The following CHCHD3 variants were observed in gnomAD, a reference collection of about 807,000 sequenced individuals.
The protein encoded by CHCHD3 is MICOS complex subunit MIC19.
A neutral mutation model predicts 38.2 loss-of-function variants in CHCHD3; 20 were observed. The ratio of observed to expected loss-of-function variants is 0.52; its 90% CI spans 0.37 to 0.76. CHCHD3 has a LOEUF of 0.76. Among genes scored for constraint, CHCHD3 ranks in the 30% least tolerant of loss-of-function variants. CHCHD3 has a pLI of 0.00. For missense variants in CHCHD3, 245 were observed against 279.2 expected (o/e 0.88, Z 0.87); for synonymous variants, 82 against 100.0 (o/e 0.82, Z 1.07).
intron 2 of CHCHD3, among the ~76,000 whole-genome samples, chr7:133,026,708 C>A (rs1813347408): frequency 6.6e-6 from 1 of 152,096 alleles, no homozygotes. Context: ...AATTAATGAA[C>A]TACTGATACA....
At position 133,035,155 on chromosome 7, in the gene CHCHD3, C is replaced by G. The variant is rs540162950; in HGVS notation, c.170-10528G>C. The G allele has an allele frequency of 6.2e-7, 1 of 1,613,536 alleles. No individual in the cohort carries two copies. The highest frequency in any genetic ancestry group is 1.3e-5 in the African/African-American group (1 of 74,908). On this transcript the variant is annotated intron_variant, in intron 2 of 7. Transcript: ENST00000262570. This position sits in a 1 kb window ranked among gnomAD's most constrained non-coding sequence, Gnocchi z 4.7. ...TCCATCTCCTCCTCAGGAGCAGGGG[C>G]AGCCGCCTTTTTCTCCTCCTTCCGC...
intron 1 of CHCHD3, among the ~76,000 whole-genome samples, chr7:133,071,070 G>A (rs887704994): frequency 4.6e-5 from 7 of 152,164 alleles, no homozygotes; most frequent in Non-Finnish European, 1.0e-4. Flanking sequence ...GCTGGCAATA[G>A]AGCAGAGGCT....
intron 4 of CHCHD3, among the ~76,000 whole-genome samples, chr7:132,935,938 A>T (rs193032479): frequency 2.6e-5 from 4 of 152,260 alleles, no homozygotes; most frequent in Admixed American, 2.0e-4. Flanking sequence ...CACAAAACAG[A>T]GAGAGGATGG....
intron 3 of CHCHD3, among the ~76,000 whole-genome samples, chr7:133,002,250 C>T (rs921583936): frequency 6.6e-6 from 1 of 152,106 alleles, no homozygotes; most frequent in African/African-American, 2.4e-5. Flanking sequence ...TATATGTTAT[C>T]TTATTTAATC....
At chr7:132,991,860 G>A (rs1812292308) in intron 3 of CHCHD3, among the ~76,000 whole-genome samples, 2 of 152,088 alleles carry the variant, frequency 1.3e-5, no homozygotes. Flanking sequence ...CCTCAGGGGT[G>A]CTTCCCCTCC....
chr7:132,982,471 G>A (rs1314146248), intron 3 of CHCHD3, among the ~76,000 whole-genome samples: 2 of 152,114 alleles, frequency 1.3e-5, no homozygotes, highest in African/African-American at 4.8e-5. Context: ...TTTTAGTAAA[G>A]ACAAGGTTTC....
At chr7:132,973,045 T>G in intron 4 of CHCHD3, 3 of 985,414 alleles carry the variant, frequency 3.0e-6, no homozygotes, top group Non-Finnish European at 3.6e-6. Context: ...CATTTTTTTG[T>G]GAAATCTCTT....
In CHCHD3 at chr7:132,922,997, A is replaced by G. The variant is rs541658612; in HGVS notation, c.370-37252T>C. Among the ~76,000 whole-genome samples, 67 of 152,336 alleles carry G rather than the reference A, an allele frequency of 4.4e-4. No homozygotes were observed. The South Asian group carries it at 5.2e-3, about 12-fold the overall frequency. On this transcript the variant is annotated intron_variant, in intron 4 of 7. Transcript: ENST00000262570. ...AAAACCTACTCATTCCCCAACATGCAGGATCTGAAAACGGCCAAGAAGGAA... is the reference window on the plus strand; with the variant it reads ...AAAACCTACTCATTCCCCAACATGCGGGATCTGAAAACGGCCAAGAAGGAA...
At chr7:132,915,941 T>C (rs577462469) in intron 4 of CHCHD3, among the ~76,000 whole-genome samples, 130 of 151,510 alleles carry the variant, frequency 8.6e-4, no homozygotes, top group Admixed American at 2.0e-3. Context: ...TTTTTTTAAT[T>C]TTTTAATAAA....
At chr7:132,807,376 T>A (rs1188297105) in intron 6 of CHCHD3, among the ~76,000 whole-genome samples, 6 of 152,044 alleles carry the variant, frequency 3.9e-5, no homozygotes, top group Admixed American at 3.9e-4. Flanking sequence ...ATTTACTCAT[T>A]TACTGATGGG....
chr7:132,928,918 A>C (rs1810449225), intron 4 of CHCHD3, among the ~76,000 whole-genome samples: 1 of 151,974 alleles, frequency 6.6e-6, no homozygotes, highest in Admixed American at 6.6e-5. Context: ...CTCCCTCCTC[A>C]AATCCTGAGA....
intron 2 of CHCHD3, among the ~76,000 whole-genome samples, chr7:133,041,639 C>A (rs1462865626): frequency 1.3e-5 from 2 of 152,204 alleles, no homozygotes; most frequent in Non-Finnish European, 2.9e-5. Context: ...CTTCCTAAAT[C>A]TTCCTTTTTC....
At chr7:132,886,156 C>T (rs981013159) in intron 4 of CHCHD3, among the ~76,000 whole-genome samples, 1 of 151,986 alleles carries the variant, frequency 6.6e-6, no homozygotes, top group African/African-American at 2.4e-5. Context: ...GTACATAAAT[C>T]TTGTGTTTAA....
intron 6 of CHCHD3, among the ~76,000 whole-genome samples, chr7:132,811,428 TTAAATTTTAC>T (rs1292573836): frequency 4.6e-5 from 7 of 152,276 alleles, no homozygotes; most frequent in Admixed American, 4.6e-4. Context: ...GAAATGCATG[TTAAATTTTAC>T]TAAATTTTAA....
intron 3 of CHCHD3, among the ~76,000 whole-genome samples, chr7:132,976,682 C>T (rs1195636528): frequency 6.6e-5 from 10 of 152,074 alleles, no homozygotes. Context: ...GTGAAATCTA[C>T]TTTATACGTG....
At chr7:132,861,181 G>A (rs757365000) in intron 5 of CHCHD3, among the ~76,000 whole-genome samples, 4 of 152,186 alleles carry the variant, frequency 2.6e-5, no homozygotes, top group African/African-American at 4.8e-5. Context: ...AAAATGTGTC[G>A]TAGATTGTGA....
At chr7:132,858,674 A>G (rs2117128182) in intron 5 of CHCHD3, among the ~76,000 whole-genome samples, 1 of 152,310 alleles carries the variant, frequency 6.6e-6, no homozygotes, top group South Asian at 2.1e-4. Context: ...TAGAAAACTA[A>G]AGCCTTCCTG....
intron 4 of CHCHD3, among the ~76,000 whole-genome samples, chr7:132,968,882 C>T (rs952768703): frequency 6.6e-6 from 1 of 152,200 alleles, no homozygotes; most frequent in African/African-American, 2.4e-5. Context: ...TTCTTATCTG[C>T]TTCCTTTAAT....
At chr7:133,007,535 C>T (rs543283636) in intron 3 of CHCHD3, among the ~76,000 whole-genome samples, 71 of 152,254 alleles carry the variant, frequency 4.7e-4, no homozygotes, top group African/African-American at 1.6e-3. Context: ...TGGCTGGCCC[C>T]GCACCAGCAG....
Sources: gnomAD v4.1 joint callset for allele counts (sites outside exome capture counted in the v4.1 genomes callset) on GRCh38, gnomAD v4.1.1 for gene constraint, Gnocchi (gnomAD v3.1) non-coding constraint, MANE v1.5 for transcripts, NCBI Gene and HGNC (gene_info 2026-07-23, HGNC 2026-07-21) for gene names.